SIPA1L3: variants seen among roughly 807,000 people sequenced by gnomAD.
The protein encoded by SIPA1L3 is signal-induced proliferation-associated 1-like protein 3.
In SIPA1L3, 59 loss-of-function variants were observed where a neutral mutation model predicts 150.1. The ratio of observed to expected loss-of-function variants is 0.39; its 90% CI spans 0.32 to 0.49. SIPA1L3 has a LOEUF of 0.49. SIPA1L3 is among the 20% of genes least tolerant of loss of function. SIPA1L3 has a pLI of 0.86. For synonymous variants in SIPA1L3, 1,070 were observed against 1,077.6 expected (o/e 0.99, Z 0.14); for missense variants, 2,211 against 2,489.5 (o/e 0.89, Z 2.38).
At chr19:38,094,872 G>T (rs1370004634) in intron 4 of SIPA1L3, among the ~76,000 whole-genome samples, 2 of 152,154 alleles carry the variant, frequency 1.3e-5, no homozygotes, top group South Asian at 4.1e-4. Flanking sequence ...TTCGAGACCA[G>T]CCTGGTCAAC....
chr19:38,093,067 G>A (rs1970297265), intron 4 of SIPA1L3, among the ~76,000 whole-genome samples: 1 of 151,964 alleles, frequency 6.6e-6, no homozygotes, highest in Non-Finnish European at 1.5e-5. Context: ...CACTGTGTTA[G>A]GCAGGATGGT....
chr19:38,026,896 T>C (rs1968525401), intron 1 of SIPA1L3, among the ~76,000 whole-genome samples: 2 of 152,250 alleles, frequency 1.3e-5, no homozygotes, highest in Admixed American at 6.5e-5. Flanking sequence ...GATATTCTCA[T>C]ATCACATTAC....
chr19:38,013,410 A>C (rs968610781), intron 1 of SIPA1L3, among the ~76,000 whole-genome samples: 5 of 152,204 alleles, frequency 3.3e-5, no homozygotes, highest in African/African-American at 9.7e-5. Flanking sequence ...GGGCTGAAAA[A>C]AAAAAGTTTT....
chr19:38,112,333 A>T (rs1471974778), intron 8 of SIPA1L3, among the ~76,000 whole-genome samples: 1 of 152,158 alleles, frequency 6.6e-6, no homozygotes, highest in African/African-American at 2.4e-5. Context: ...CACACACTGG[A>T]AAAGGAGGCA....
intron 2 of SIPA1L3, among the ~76,000 whole-genome samples, chr19:38,071,633 T>C (rs936462000): frequency 6.6e-6 from 1 of 152,222 alleles, no homozygotes; most frequent in African/African-American, 2.4e-5. Flanking sequence ...AGGGTCTCAC[T>C]GTGCAACCAG....
intron 8 of SIPA1L3, among the ~76,000 whole-genome samples, chr19:38,112,327 C>T (rs1221718948): frequency 6.6e-6 from 1 of 152,170 alleles, no homozygotes; most frequent in Non-Finnish European, 1.5e-5. Flanking sequence ...CACATGCACA[C>T]ACTGGAAAAG....
intron 7 of SIPA1L3, among the ~76,000 whole-genome samples, chr19:38,107,913 G>A (rs1446901170): frequency 6.6e-6 from 1 of 151,928 alleles, no homozygotes; most frequent in Non-Finnish European, 1.5e-5. Flanking sequence ...AGAGGCAGTG[G>A]TTGCAGTGAG....
chr19:38,113,695 G>C (rs1161551783), intron 8 of SIPA1L3, among the ~76,000 whole-genome samples: 5 of 152,072 alleles, frequency 3.3e-5, no homozygotes, highest in Non-Finnish European at 7.3e-5. Flanking sequence ...TTAGCTTCCT[G>C]TATCTGTCAC....
chr19:38,138,391 C>T (rs1971485448), intron 10 of SIPA1L3, among the ~76,000 whole-genome samples: 1 of 152,136 alleles, frequency 6.6e-6, no homozygotes, highest in Admixed American at 6.6e-5. Flanking sequence ...CTCTGCGTAC[C>T]AGCAACAGAA....
At chr19:37,973,829 A>G (rs1384058510) in intron 1 of SIPA1L3, among the ~76,000 whole-genome samples, 3 of 152,074 alleles carry the variant, frequency 2.0e-5, no homozygotes, top group Admixed American at 1.3e-4. Context: ...GTGCAGTAAG[A>G]TGTGTGGTTT....
intron 15 of SIPA1L3, among the ~76,000 whole-genome samples, chr19:38,181,845 CAAAAA>C (rs572648983): frequency 1.6e-5 from 1 of 62,950 alleles, no homozygotes; most frequent in Non-Finnish European, 3.0e-5. Flanking sequence ...GACTCTGTCT[CAAAAA>C]AAAAAAAAAA....
intron 21 of SIPA1L3, among the ~76,000 whole-genome samples, chr19:38,205,296 C>T (rs1306956913): frequency 1.7e-5 from 1 of 57,674 alleles, no homozygotes; most frequent in Non-Finnish European, 3.1e-5. Flanking sequence ...CCCGTCTCTA[C>T]TAAAATACAA....
intron 10 of SIPA1L3, among the ~76,000 whole-genome samples, chr19:38,135,928 C>T (rs961011664): frequency 1.3e-5 from 2 of 151,952 alleles, no homozygotes; most frequent in African/African-American, 4.8e-5. Flanking sequence ...TAGAAGTGCC[C>T]TCGCTGCCAC....
intron 21 of SIPA1L3, among the ~76,000 whole-genome samples, chr19:38,205,416 C>T (rs997447594): frequency 2.0e-5 from 3 of 148,730 alleles, no homozygotes; most frequent in Non-Finnish European, 4.4e-5. Context: ...GAGATCATGC[C>T]TCTGCACTCC....
chr19:38,151,856 A>T (rs1331264320), intron 12 of SIPA1L3, among the ~76,000 whole-genome samples: 2 of 149,830 alleles, frequency 1.3e-5, no homozygotes, highest in African/African-American at 4.9e-5. Flanking sequence ...CCAGCTACTC[A>T]GGAGGCTGAA....
At chr19:38,113,305 T>C (rs1265878035) in intron 8 of SIPA1L3, among the ~76,000 whole-genome samples, 1 of 151,854 alleles carries the variant, frequency 6.6e-6, no homozygotes, top group African/African-American at 2.4e-5. Flanking sequence ...CCCAACATGT[T>C]TCTGTCATAG....
chr19:37,928,570 C>T (rs965206228), intron 1 of SIPA1L3, among the ~76,000 whole-genome samples: 2 of 152,216 alleles, frequency 1.3e-5, no homozygotes, highest in African/African-American at 4.8e-5. Flanking sequence ...ATGAGTGAGA[C>T]TCCGTCTCAA....
chr19:38,124,119 C>T (rs1271314186), intron 9 of SIPA1L3, among the ~76,000 whole-genome samples: 2 of 150,806 alleles, frequency 1.3e-5, no homozygotes, highest in Non-Finnish European at 1.5e-5. Context: ...CCACCTCCCT[C>T]CCGGACGGGG....
intron 1 of SIPA1L3, among the ~76,000 whole-genome samples, chr19:37,955,152 C>T (rs2046798818): frequency 6.7e-6 from 1 of 148,740 alleles, no homozygotes; most frequent in Admixed American, 6.7e-5. Context: ...AGCACTTTGG[C>T]AGGCCGAGGT....
Sources: allele counts gnomAD v4.1 joint callset (sites outside exome capture counted in the v4.1 genomes callset), GRCh38; gene constraint gnomAD v4.1.1; transcripts MANE v1.5; gene names NCBI Gene and HGNC (gene_info 2026-07-23, HGNC 2026-07-21).